The following PLA2G4E variants were observed in gnomAD, a reference collection of about 807,000 sequenced individuals.
PLA2G4E encodes the protein cytosolic phospholipase A2 epsilon.
Under a neutral mutation model 109.1 loss-of-function variants are expected in PLA2G4E, and 84 were observed. That is an observed-to-expected ratio of 0.77 (90% CI 0.65 to 0.92). The LOEUF (loss-of-function observed/expected upper bound fraction) is 0.92, where lower values mean the gene tolerates loss of function less well. PLA2G4E is among the 40% of genes least tolerant of loss of function. PLA2G4E has a pLI of 0.00. For synonymous variants in PLA2G4E, 469 were observed against 436.1 expected, an observed-to-expected ratio of 1.08 and a Z score of -0.94; for missense variants, 1,057 against 1,076.6, an observed-to-expected ratio of 0.98 and a Z score of 0.25.
exon 12 of PLA2G4E, chr15:41,995,394 C>T: frequency 6.2e-7 from 1 of 1,613,662 alleles, no homozygotes; most frequent in Non-Finnish European, 8.5e-7. Context: ...ATGTAGCTGG[C>T]ACAGTCCAGG....
intron 17 of PLA2G4E, 124 bp from the exon 18 acceptor site, chr15:41,986,129 A>G: frequency 1.0e-6 from 1 of 991,068 alleles, no homozygotes; most frequent in Non-Finnish European, 1.5e-6. Context: ...CAGGACGCCC[A>G]CTGAGTTCCA....
chr15:42,010,676 G>A (rs996979504), intron 2 of PLA2G4E, among the ~76,000 whole-genome samples: 1 of 152,188 alleles, frequency 6.6e-6, no homozygotes, highest in Non-Finnish European at 1.5e-5. Flanking sequence ...TAGATGTTCA[G>A]AACTTTGTCT....
intron 7 of PLA2G4E, among the ~76,000 whole-genome samples, chr15:42,000,635 G>T (rs2068406887): frequency 6.6e-6 from 1 of 152,216 alleles, no homozygotes. Context: ...TGATGTAGAC[G>T]CCTCTTCTGT....
intron 9 of PLA2G4E, 139 bp downstream of exon 9, chr15:41,999,778 C>A: frequency 4.4e-6 from 5 of 1,127,052 alleles, no homozygotes; most frequent in South Asian, 1.4e-5. Flanking sequence ...TCCTGCCCCA[C>A]AAGACTCCTC....
At chr15:42,015,749 C>T (rs1412611511) in intron 1 of PLA2G4E, among the ~76,000 whole-genome samples, 3 of 152,176 alleles carry the variant, frequency 2.0e-5, no homozygotes, top group Non-Finnish European at 2.9e-5. Flanking sequence ...GAAGCTTCCC[C>T]GCCATCAGTC....
chr15:42,030,873 T>C (rs1889100092), intron 1 of PLA2G4E, among the ~76,000 whole-genome samples: 1 of 152,272 alleles, frequency 6.6e-6, no homozygotes, highest in African/African-American at 2.4e-5. Context: ...TTTTTGTGTG[T>C]AACAAGAGTT....
At position 42,001,344 on chromosome 15, in the gene PLA2G4E, G is replaced by A. The variant is rs2068417603; in HGVS notation, c.610-124C>T. 1.0e-5 allele frequency: 9 copies of A among 881,394 alleles called. No individual in the cohort carries two copies. In the South Asian group the frequency reaches 1.3e-4, roughly 13 times the overall value. 54.6% of individuals were successfully genotyped at this position (881,394 alleles called of 1,614,324 possible). On this transcript the variant is annotated intron_variant, in intron 6 of 19. Transcript: ENST00000399518. ...CATTGGTCTGACTGGGCTGATGCTGGGGAATGCAGAATGTGTTGACCACAT... is the reference window on the plus strand; with the variant it reads ...CATTGGTCTGACTGGGCTGATGCTGAGGAATGCAGAATGTGTTGACCACAT...
chr15:42,000,087 T>C lies in PLA2G4E; in HGVS notation c.852+17A>G, dbSNP rs371568930. 1.3e-4 allele frequency: 197 copies of C among 1,567,972 alleles called. No homozygotes were observed. The African/African-American group carries it at 2.3e-3, about 18-fold the overall frequency. On this transcript the variant is annotated intron_variant, in intron 8 of 19. Transcript: ENST00000399518. ...TCCCAGTCCCCCACACCTCCCCCAG[T>C]GTCAGCCGCCTTGTACCCCACAGCT...
At chr15:42,031,886 C>T (rs1274623819) in intron 1 of PLA2G4E, among the ~76,000 whole-genome samples, 4 of 152,202 alleles carry the variant, frequency 2.6e-5, no homozygotes, top group African/African-American at 7.2e-5. Flanking sequence ...ATGTTTGTCT[C>T]CTCCAAATCT....
At chr15:42,019,122 G>T (rs2068623951) in intron 1 of PLA2G4E, among the ~76,000 whole-genome samples, 1 of 152,174 alleles carries the variant, frequency 6.6e-6, no homozygotes, top group Admixed American at 6.5e-5. Flanking sequence ...CAGGACTTGG[G>T]TGCAGGTCTT....
At chr15:42,020,759 C>T (rs2068640844) in intron 1 of PLA2G4E, among the ~76,000 whole-genome samples, 176 bp downstream of exon 1, 1 of 152,190 alleles carries the variant, frequency 6.6e-6, no homozygotes, top group African/African-American at 2.4e-5. Flanking sequence ...TAAACCACCT[C>T]CCCCAGGTTT....
chr15:42,032,498 G>A (rs969007605), intron 1 of PLA2G4E, among the ~76,000 whole-genome samples: 4 of 152,238 alleles, frequency 2.6e-5, no homozygotes, highest in Non-Finnish European at 4.4e-5. Flanking sequence ...GCTGAGGAAG[G>A]CCTTGGCTCC....
intron 1 of PLA2G4E, among the ~76,000 whole-genome samples, chr15:42,021,911 G>A (rs1247495059): frequency 6.6e-6 from 1 of 152,216 alleles, no homozygotes; most frequent in East Asian, 1.9e-4. Flanking sequence ...GGGCCTGAAT[G>A]CAGGGATGGA....
chr15:41,988,088 ACTC>A (rs1049089648), exon 16 of PLA2G4E: 1 of 1,606,796 alleles, frequency 6.2e-7, no homozygotes, highest in Non-Finnish European at 8.5e-7. Flanking sequence ...CTGTGGAAAA[ACTC>A]CTCCGAGGTG....
At chr15:42,047,074 A>G (rs925317954) in intron 1 of PLA2G4E, among the ~76,000 whole-genome samples, 4 of 152,228 alleles carry the variant, frequency 2.6e-5, no homozygotes, top group Non-Finnish European at 5.9e-5. Flanking sequence ...GTCTCAGTCC[A>G]TTTTATGCTA....
intron 1 of PLA2G4E, among the ~76,000 whole-genome samples, chr15:42,022,585 T>C (rs999714393): frequency 1.8e-4 from 27 of 152,048 alleles, no homozygotes; most frequent in Non-Finnish European, 2.9e-5. Context: ...ATAAGGAATG[T>C]GCAACCTAGA....
At chr15:41,986,665 C>T (rs2068146847) in intron 17 of PLA2G4E, among the ~76,000 whole-genome samples, 1 of 152,044 alleles carries the variant, frequency 6.6e-6, no homozygotes, top group African/African-American at 2.4e-5. Context: ...TACAGGTGCT[C>T]ATCACCATGC....
intron 1 of PLA2G4E, among the ~76,000 whole-genome samples, chr15:42,017,380 G>A (rs746129893): frequency 3.9e-5 from 6 of 152,134 alleles, no homozygotes; most frequent in South Asian, 2.1e-4. Context: ...ATTTCTTCCC[G>A]CTCTAACTCA....
At chr15:42,000,419 G>A (rs1292846179) in intron 7 of PLA2G4E, 137 bp from the exon 8 acceptor site, 7 of 828,282 alleles carry the variant, frequency 8.5e-6, no homozygotes, top group Non-Finnish European at 1.3e-5. Flanking sequence ...ATTCCCCAGA[G>A]ATTCTCAATC....
Sources: allele counts gnomAD v4.1 joint callset (sites outside exome capture counted in the v4.1 genomes callset), GRCh38; gene constraint gnomAD v4.1.1; transcripts MANE v1.5; gene names NCBI Gene and HGNC (gene_info 2026-07-23, HGNC 2026-07-21).